INSR: variants seen among roughly 807,000 people sequenced by gnomAD.
The protein encoded by INSR is insulin receptor.
Under a neutral mutation model 142.6 loss-of-function variants are expected in INSR, and 67 were observed. The observed-to-expected ratio is 0.47, with a 90% CI of 0.39 to 0.58. INSR has a LOEUF of 0.58. Ranked by LOEUF, INSR falls within the 20% of genes least tolerant of loss-of-function variation. The pLI, the probability that INSR is intolerant of heterozygous loss-of-function variation, is 0.00. For missense variants in INSR, 1,248 were observed against 1,833.2 expected, an observed-to-expected ratio of 0.68 and a Z score of 5.83; for synonymous variants, 756 against 743.1, an observed-to-expected ratio of 1.02 and a Z score of -0.28.
chr19:7,193,330 G>A (rs1209927320), intron 2 of INSR, among the ~76,000 whole-genome samples: 1 of 151,938 alleles, frequency 6.6e-6, no homozygotes, highest in Admixed American at 6.6e-5. Context: ...TGACCAACAT[G>A]GTGAGACTCC....
rs997508062 is a variant in INSR, at chr19:7,152,914, G to A, written c.2043C>T (p.Pro681=). ...LDYCLKGLKL[P]SRTWSPPFES... ...CGAATGGTGGAGACCAGGTCCTCGA[G>A]GGCAGCTTCAGCCCTGGAGAAAGAA... The change falls in exon 10 of 22, where the codon CCC becomes CCT. Residue 681 remains proline (P), a synonymous_variant. Transcript: ENST00000302850. 3.1e-6 allele frequency: 5 copies of A among 1,611,470 alleles called. No homozygotes were observed. Among genetic ancestry groups the A allele is most frequent in the Admixed American group, 1.7e-5 (1 of 59,866 alleles).
rs766264294 is a variant in INSR at position 7,113,327 on chromosome 19, G to A, written c.*3729C>T. On this transcript the variant is annotated 3_prime_UTR_variant, in exon 22 of 22. Transcript: ENST00000302850. The stretch of plus-strand genomic sequence containing the variant: ...GGTAACATAGTCCCCAGGGTCACAG[G>A]ATGACCTATGCAGACCCTTGTGTCA... The A allele has an allele frequency of 6.6e-6, 1 of 152,134 alleles. No individual in the cohort carries two copies. Among genetic ancestry groups the A allele is most frequent in the Non-Finnish European group, 1.5e-5 (1 of 68,032 alleles). 9.4% of individuals were successfully genotyped at this position (152,134 alleles called of 1,614,324 possible).
intron 11 of INSR, among the ~76,000 whole-genome samples, chr19:7,145,724 T>C (rs1973169951): frequency 6.6e-6 from 1 of 152,262 alleles, no homozygotes; most frequent in South Asian, 2.1e-4. Flanking sequence ...ATAGTTTGCC[T>C]ACCCTTGAGC....
At chr19:7,154,228 A>T (rs1474272188) in intron 9 of INSR, among the ~76,000 whole-genome samples, 1 of 151,718 alleles carries the variant, frequency 6.6e-6, no homozygotes, top group Non-Finnish European at 1.5e-5. Flanking sequence ...GCATGTCAAC[A>T]TGTTTTATTA....
In INSR at chr19:7,190,148, A is replaced by G. The variant is rs542561686; in HGVS notation, c.653-5511T>C. 2.6e-3 allele frequency among the ~76,000 whole-genome samples: 399 copies of G among 151,880 alleles called. 1 individual carries two copies. Among genetic ancestry groups the G allele is most frequent in the Admixed American group, 4.7e-3 (71 of 15,230 alleles). ...GATTGCTTGAGCCCAGGCATTCGAGACCAGCCTGGGTAACAGAGTGAGATC... is the reference window on the plus strand; with the variant it reads ...GATTGCTTGAGCCCAGGCATTCGAGGCCAGCCTGGGTAACAGAGTGAGATC... On this transcript the variant is annotated intron_variant, in intron 2 of 21. Transcript: ENST00000302850.
chr19:7,249,772 C>G (rs1490505025), intron 2 of INSR, among the ~76,000 whole-genome samples: 2 of 152,116 alleles, frequency 1.3e-5, no homozygotes, highest in African/African-American at 4.8e-5. Context: ...GAGGGTGGAT[C>G]ACGAGGTCAG....
intron 14 of INSR, 71 bp from the exon 15 acceptor site, chr19:7,129,025 T>C: frequency 7.9e-7 from 1 of 1,270,094 alleles, no homozygotes; most frequent in Non-Finnish European, 1.1e-6. Flanking sequence ...AAAAATCACA[T>C]CCACTCCTGG....
At chr19:7,117,611 T>G (rs1972369102) in intron 21 of INSR, among the ~76,000 whole-genome samples, 1 of 152,170 alleles carries the variant, frequency 6.6e-6, no homozygotes, top group South Asian at 2.1e-4. Context: ...TTTGCTTTTC[T>G]TCTTCTTATT....
At chr19:7,194,659 C>T (rs1174472545) in intron 2 of INSR, among the ~76,000 whole-genome samples, 1 of 146,382 alleles carries the variant, frequency 6.8e-6, no homozygotes, top group Non-Finnish European at 1.5e-5. Context: ...ATTACAGGCA[C>T]ACGCCACCAC....
rs1232668568 is a variant in INSR, at chr19:7,117,261, T to G, written c.3944A>C (p.Glu1315Ala). 1.2e-6 allele frequency: 2 copies of G among 1,614,094 alleles called. No individual in the cohort carries two copies. Among genetic ancestry groups the G allele is most frequent in the Admixed American group, 3.3e-5 (2 of 60,000 alleles). Reference protein sequence around the residue: ...HSEENKAPESEELEMEFEDME... With the variant: ...HSEENKAPESAELEMEFEDME... ...GTCCTCAAACTCCATCTCCAGCTCC[T>G]CACTCTCGGGAGCCTTGTTCTCCTC... Residue 1315 changes from glutamate (E) to alanine (A), a missense_variant, in exon 22 of 22, where the codon GAG (glutamate) becomes GCG (alanine). Glu to Ala is a moderately radical substitution (Grantham distance 107). This residue lies in a region of INSR where 122 missense variants were observed against 129.8 expected (regional missense o/e 0.94). Coordinates refer to ENST00000302850, the MANE Select transcript of INSR (RefSeq NM_000208.4).
chr19:7,268,495 T>A (rs1417195712), intron 1 of INSR: 9 of 985,104 alleles, frequency 9.1e-6, no homozygotes, highest in Middle Eastern at 5.2e-4. Flanking sequence ...AGGCGGTCCC[T>A]CCCAGGCCCC....
Position 7,265,683 on chromosome 19 carries a change from C to T in INSR, c.652+1662G>A, listed in dbSNP as rs1471442054. Among the ~76,000 whole-genome samples the T allele has an allele frequency of 2.7e-5, 4 of 149,198 alleles. No individual in the cohort carries two copies. The South Asian group carries it at 6.3e-4, about 24-fold the overall frequency. ...CCGGGAGGCAGAGGTTGCAGTGAGC[C>T]GAGATTGCACCATCGCACTCCAGTC... On this transcript the variant is annotated intron_variant, in intron 2 of 21. Coordinates refer to ENST00000302850, the MANE Select transcript of INSR (RefSeq NM_000208.4).
chr19:7,246,417 C>T (rs1976537754), intron 2 of INSR, among the ~76,000 whole-genome samples: 1 of 152,196 alleles, frequency 6.6e-6, no homozygotes, highest in South Asian at 2.1e-4. Flanking sequence ...AGCTGACAGC[C>T]AGCACCAACC....
rs922901235 is a variant in INSR at position 7,169,538 on chromosome 19, T to C, written c.1483+999A>G. 5.8e-5 allele frequency among the ~76,000 whole-genome samples: 8 copies of C among 138,772 alleles called. No individual in the cohort carries two copies. In the East Asian group the frequency reaches 6.4e-4, roughly 11 times the overall value. The allele number at this position is 138,772 out of a possible 152,430, so 91.0% of individuals were successfully genotyped here. A position where few individuals can be genotyped will look rare whatever the true frequency, so the allele number is the denominator to read the frequency against. On this transcript the variant is annotated intron_variant, in intron 6 of 21. Coordinates refer to ENST00000302850, the MANE Select transcript of INSR (RefSeq NM_000208.4). Reference sequence around the variant, plus strand: ...TTGCAGTGAGGCAAGATCACGCCACTGCACTCCAGCCCTGGGTGACAGAGC... The same window carrying C: ...TTGCAGTGAGGCAAGATCACGCCACCGCACTCCAGCCCTGGGTGACAGAGC...
At chr19:7,275,205 C>T (rs1968029840) in intron 1 of INSR, among the ~76,000 whole-genome samples, 1 of 151,906 alleles carries the variant, frequency 6.6e-6, no homozygotes, top group Non-Finnish European at 1.5e-5. Flanking sequence ...GAACTCCTGA[C>T]CTCAGGTGAT....
intron 2 of INSR, among the ~76,000 whole-genome samples, chr19:7,231,451 A>G (rs1299243247): frequency 6.6e-6 from 1 of 151,156 alleles, no homozygotes; most frequent in Non-Finnish European, 1.5e-5. Flanking sequence ...CAGGTCCCCA[A>G]CACCACGCCC....
chr19:7,270,366 C>CAA (rs1211226823), intron 1 of INSR, among the ~76,000 whole-genome samples: 33 of 151,768 alleles, frequency 2.2e-4, no homozygotes, highest in African/African-American at 7.0e-4. Flanking sequence ...CACACACACA[C>CAA]ACACACACAC....
At chr19:7,288,018 G>A (rs1272886705) in intron 1 of INSR, among the ~76,000 whole-genome samples, 1 of 152,148 alleles carries the variant, frequency 6.6e-6, no homozygotes, top group African/African-American at 2.4e-5. Flanking sequence ...TGGCCTGAGG[G>A]CCATAGTTTG....
At chr19:7,190,328 C>T (rs1012206945) in intron 2 of INSR, among the ~76,000 whole-genome samples, 2 of 150,552 alleles carry the variant, frequency 1.3e-5, no homozygotes, top group African/African-American at 2.4e-5. Flanking sequence ...TGTTCCCTCA[C>T]TAATGGGTTA....
Sources: gnomAD v4.1 joint callset for allele counts (sites outside exome capture counted in the v4.1 genomes callset) on GRCh38, gnomAD v4.1.1 for gene constraint, gnomAD v4.1.1 regional missense constraint, MANE v1.5 for transcripts, NCBI Gene and HGNC (gene_info 2026-07-23, HGNC 2026-07-21) for gene names.